Variants in MTCL1 observed in about 807,000 individuals in gnomAD.
The protein encoded by MTCL1 is microtubule crosslinking factor 1, also known as microtubule cross-linking factor 1.
MTCL1 carries 79 observed loss-of-function variants against 141.4 expected under a neutral mutation model. The observed-to-expected ratio is 0.56, with a 90% CI of 0.47 to 0.67. The LOEUF is 0.67. MTCL1 is among the 30% of genes least tolerant of loss of function. The pLI is 0.00. For synonymous variants in MTCL1, 914 were observed against 875.8 expected (o/e 1.04, Z -0.77); for missense variants, 2,177 against 2,113.9 (o/e 1.03, Z -0.59).
At chr18:8,767,157 CCCT>C (rs1400936891) in intron 4 of MTCL1, among the ~76,000 whole-genome samples, 1 of 152,200 alleles carries the variant, frequency 6.6e-6, no homozygotes, top group African/African-American at 2.4e-5. Context: ...GAAAGTTACC[CCCT>C]CCTCTTGAAT....
intron 11 of MTCL1, among the ~76,000 whole-genome samples, chr18:8,812,220 C>T (rs190333409): frequency 6.6e-6 from 1 of 152,254 alleles, no homozygotes; most frequent in Non-Finnish European, 1.5e-5. Context: ...TGGTATATTC[C>T]TTCTGCCTAA....
exon 17 of MTCL1, chr18:8,832,484 C>G (rs1255076703): frequency 6.5e-6 from 1 of 152,714 alleles, no homozygotes; most frequent in Non-Finnish European, 1.5e-5. Flanking sequence ...GTATATACCG[C>G]TACTGTGTCC....
At chr18:8,760,720 A>G (rs534265517) in intron 4 of MTCL1, among the ~76,000 whole-genome samples, 1 of 151,630 alleles carries the variant, frequency 6.6e-6, no homozygotes, top group Non-Finnish European at 1.5e-5. Context: ...GCATGTGTGT[A>G]TGTGTGCATT....
At chr18:8,784,643 C>T (rs1197006889) in exon 6 of MTCL1, 2 of 1,613,780 alleles carry the variant, frequency 1.2e-6, no homozygotes, top group African/African-American at 2.7e-5. Context: ...GGAGCCCCAG[C>T]TGCTGGGGAC....
At chr18:8,788,312 C>T (rs1486961029) in intron 7 of MTCL1, among the ~76,000 whole-genome samples, 1 of 152,180 alleles carries the variant, frequency 6.6e-6, no homozygotes, top group Non-Finnish European at 1.5e-5. Flanking sequence ...ACGACTCTAC[C>T]TGTGTGGATC....
chr18:8,775,522 G>A lies in MTCL1; in HGVS notation c.358-2311G>A, dbSNP rs143059805. Among the ~76,000 whole-genome samples, 214 of 152,122 alleles carry A rather than the reference G, an allele frequency of 1.4e-3. 1 individual carries two copies. Among genetic ancestry groups the A allele is most frequent in the African/African-American group, 4.8e-3 (200 of 41,496 alleles). On this transcript the variant is annotated intron_variant, in intron 4 of 16. Coordinates refer to ENST00000359865, the Ensembl canonical transcript of MTCL1. ...GGGGAGGCAGAGGTTGCAGTGAGCC[G>A]AGATTGCACCACTGCACTCCAGCCT...
chr18:8,824,704 T>C lies in MTCL1; in HGVS notation c.3194T>C (p.Val1065Ala), dbSNP rs536452422. 1.9e-6 allele frequency: 3 copies of C among 1,609,812 alleles called. No individual in the cohort carries two copies. In the Admixed American group the frequency reaches 5.0e-5, roughly 27 times the overall value. ...CTCTTTTCTGCTTTTCCCAGGGCGG[T>C]GTCCGTGTCCTCCATGTCTGAGTTC... The change falls in exon 15 of 17, where the codon GTG becomes GCG. Residue 1065 changes from valine (V) to alanine (A), a missense_variant. Val to Ala is a moderately conservative substitution (Grantham distance 64, BLOSUM62 0). Transcript: ENST00000359865.
chr18:8,731,743 C>G (rs1362771693), intron 4 of MTCL1, among the ~76,000 whole-genome samples: 1 of 152,050 alleles, frequency 6.6e-6, no homozygotes, highest in Non-Finnish European at 1.5e-5. Context: ...GAGTCCCACC[C>G]TGTCACCCAG....
chr18:8,732,430 C>T (rs1368251875), intron 4 of MTCL1, among the ~76,000 whole-genome samples: 1 of 151,994 alleles, frequency 6.6e-6, no homozygotes, highest in Admixed American at 6.6e-5. Context: ...TAACTTTTAT[C>T]TTCAAGTGCA....
At chr18:8,789,571 G>A (rs2075646597) in intron 7 of MTCL1, 8 of 985,400 alleles carry the variant, frequency 8.1e-6, no homozygotes, top group Middle Eastern at 1.0e-3. Context: ...AGACATGGAC[G>A]GGAGTTCCGG....
intron 4 of MTCL1, among the ~76,000 whole-genome samples, chr18:8,730,360 C>T (rs2096243860): frequency 6.6e-6 from 1 of 152,084 alleles, no homozygotes; most frequent in African/African-American, 2.4e-5. Context: ...AATATTTGTT[C>T]CATGGGTGAA....
chr18:8,795,707 T>A (rs1568053383), intron 8 of MTCL1, among the ~76,000 whole-genome samples: 1 of 152,192 alleles, frequency 6.6e-6, no homozygotes, highest in Non-Finnish European at 1.5e-5. Context: ...GGCCTGCATA[T>A]TCGGAAGAAT....
chr18:8,755,301 G>A (rs1053292368), intron 4 of MTCL1, among the ~76,000 whole-genome samples: 1 of 152,168 alleles, frequency 6.6e-6, no homozygotes, highest in Non-Finnish European at 1.5e-5. Context: ...TGTTTTAACC[G>A]GGATTGGTTT....
chr18:8,816,679 T>A (rs533479522), intron 12 of MTCL1, among the ~76,000 whole-genome samples: 2 of 150,384 alleles, frequency 1.3e-5, no homozygotes, highest in African/African-American at 4.9e-5. Flanking sequence ...TTAAATCAGC[T>A]GCCATTCTTT....
At chr18:8,781,181 A>C (rs1484845284) in intron 5 of MTCL1, among the ~76,000 whole-genome samples, 1 of 18,460 alleles carries the variant, frequency 5.4e-5, no homozygotes, top group Non-Finnish European at 1.2e-4. Flanking sequence ...CTCCATCTCA[A>C]AAAAAAAAAA....
chr18:8,787,886 G>T (rs2075573177), intron 7 of MTCL1, among the ~76,000 whole-genome samples: 1 of 152,208 alleles, frequency 6.6e-6, no homozygotes, highest in Non-Finnish European at 1.5e-5. Flanking sequence ...AGCTGGATGT[G>T]GATCTGTCGC....
chr18:8,822,514 T>A lies in MTCL1; in HGVS notation c.3188+1016T>A, dbSNP rs2076879377. Among the ~76,000 whole-genome samples, 1 of 152,046 alleles carries A rather than the reference T, an allele frequency of 6.6e-6. No homozygotes were observed. Among genetic ancestry groups the A allele is most frequent in the Non-Finnish European group, 1.5e-5 (1 of 68,008 alleles). ...CCATGTTGGCCAGGCTGGTCTCGAA[T>A]TCCTGACCTCAGGTGATCCACCCGC... On this transcript the variant is annotated intron_variant, in intron 14 of 16. Coordinates refer to ENST00000359865, the Ensembl canonical transcript of MTCL1. This position sits in a 1 kb window ranked among gnomAD's most constrained non-coding sequence, Gnocchi z 4.6.
intron 13 of MTCL1, among the ~76,000 whole-genome samples, chr18:8,820,293 C>T (rs1318842857): frequency 1.3e-5 from 2 of 151,894 alleles, no homozygotes; most frequent in Non-Finnish European, 2.9e-5. Flanking sequence ...GCCTGTAGTC[C>T]CAGCTACTTG....
intron 4 of MTCL1, among the ~76,000 whole-genome samples, chr18:8,767,132 T>G (rs1237290572): frequency 6.6e-6 from 1 of 152,188 alleles, no homozygotes; most frequent in Non-Finnish European, 1.5e-5. Context: ...TTAAGAATCA[T>G]GAGATCATGG....
Sources: allele counts gnomAD v4.1 joint callset (sites outside exome capture counted in the v4.1 genomes callset), GRCh38; gene constraint gnomAD v4.1.1; non-coding constraint Gnocchi (gnomAD v3.1); transcripts MANE v1.5; gene names NCBI Gene and HGNC (gene_info 2026-07-23, HGNC 2026-07-21).